Variants in PARVA observed in about 807,000 individuals in gnomAD.
The protein encoded by PARVA is alpha-parvin.
A neutral mutation model predicts 52.6 loss-of-function variants in PARVA; 25 were observed. That is an observed-to-expected ratio of 0.48 (90% CI 0.35 to 0.66). The LOEUF (loss-of-function observed/expected upper bound fraction) is 0.66. Among genes scored for constraint, PARVA ranks in the 30% least tolerant of loss-of-function variants. The pLI, the probability that PARVA is intolerant of heterozygous loss-of-function variation, is 0.01. For missense variants in PARVA, 373 were observed against 450.9 expected (o/e 0.83, Z 1.56); for synonymous variants, 185 against 179.1 (o/e 1.03, Z -0.26).
At chr11:12,432,106 G>A (rs145036346) in intron 1 of PARVA, among the ~76,000 whole-genome samples, 105 of 152,232 alleles carry the variant, frequency 6.9e-4, no homozygotes, top group African/African-American at 2.3e-3. Flanking sequence ...TACAATTAAC[G>A]TAAAATTTTT....
chr11:12,387,142 C>T (rs1031404056), intron 1 of PARVA, among the ~76,000 whole-genome samples: 2 of 152,176 alleles, frequency 1.3e-5, no homozygotes, highest in Non-Finnish European at 2.9e-5. Flanking sequence ...TGAGGAAAGC[C>T]CTACAATCAT....
At chr11:12,443,540 T>G (rs1399363469) in intron 1 of PARVA, among the ~76,000 whole-genome samples, 6 of 152,156 alleles carry the variant, frequency 3.9e-5, no homozygotes, top group Non-Finnish European at 7.3e-5. Flanking sequence ...CCTGCAGGTG[T>G]AGGATTCAAA....
rs1473378651 is a variant in PARVA, at chr11:12,527,941, C to T, written c.*16C>T. 1.9e-6 allele frequency: 3 copies of T among 1,585,746 alleles called. No individual in the cohort carries two copies. On this transcript the variant is annotated 3_prime_UTR_variant, in exon 13 of 13. Coordinates refer to ENST00000334956, the MANE Select transcript of PARVA (RefSeq NM_018222.5). ...CGTGGAGTGAGGGGCTGCCCTGGGCCCACCACTGCCCAAGAGTTCTTGCTG... is the reference window on the plus strand; with the variant it reads ...CGTGGAGTGAGGGGCTGCCCTGGGCTCACCACTGCCCAAGAGTTCTTGCTG...
intron 1 of PARVA, among the ~76,000 whole-genome samples, chr11:12,384,826 C>T (rs936246733): frequency 6.6e-6 from 1 of 151,996 alleles, no homozygotes; most frequent in East Asian, 1.9e-4. Flanking sequence ...CCGGGTGTAA[C>T]AAGAGGAAGG....
chr11:12,434,797 T>C (rs1431582862), intron 1 of PARVA, among the ~76,000 whole-genome samples: 1 of 152,192 alleles, frequency 6.6e-6, no homozygotes, highest in Non-Finnish European at 1.5e-5. Flanking sequence ...CTTTTGTTCT[T>C]ACTGCTCAAA....
At chr11:12,397,985 G>A (rs1395928048) in intron 1 of PARVA, among the ~76,000 whole-genome samples, 4 of 152,110 alleles carry the variant, frequency 2.6e-5, no homozygotes, top group Non-Finnish European at 4.4e-5. Flanking sequence ...AGCCCAGCAC[G>A]GGCCTCTCTG....
chr11:12,407,306 A>G (rs573521212), intron 1 of PARVA, among the ~76,000 whole-genome samples: 154 of 152,246 alleles, frequency 1.0e-3, no homozygotes, highest in African/African-American at 3.6e-3. Flanking sequence ...TTTCAGTTCT[A>G]CCTTGCGTGC....
At chr11:12,509,080 T>TTG (rs112329176) in intron 7 of PARVA, among the ~76,000 whole-genome samples, 12,753 of 145,224 alleles carry the variant, frequency 0.088, 595 homozygotes, top group Middle Eastern at 0.13. Context: ...GGGTGGTTTT[T>TTG]TTTTTTTTTT....
Position 12,412,585 on chromosome 11 carries a change from T to A in PARVA, c.136+34802T>A, listed in dbSNP as rs528653219. Reference sequence around the variant, plus strand: ...AAGAAAGTGTGTCAAAAGAGAGGTCTGTTTTGCTACTGATGTGCCAGGCTC... The same window carrying A: ...AAGAAAGTGTGTCAAAAGAGAGGTCAGTTTTGCTACTGATGTGCCAGGCTC... On this transcript the variant is annotated intron_variant, in intron 1 of 12. Coordinates refer to ENST00000334956, the MANE Select transcript of PARVA (RefSeq NM_018222.5). Among the ~76,000 whole-genome samples, 7 of 152,290 alleles carry A rather than the reference T, an allele frequency of 4.6e-5. No homozygotes were observed. The East Asian group carries it at 1.2e-3, about 25-fold the overall frequency.
chr11:12,482,638 A>G (rs1238045332), intron 4 of PARVA, among the ~76,000 whole-genome samples: 1 of 151,852 alleles, frequency 6.6e-6, no homozygotes, highest in Admixed American at 6.6e-5. Flanking sequence ...AAAAAAAAAA[A>G]AGGAAAGAGG....
At chr11:12,408,105 C>T (rs1939940395) in intron 1 of PARVA, among the ~76,000 whole-genome samples, 1 of 152,202 alleles carries the variant, frequency 6.6e-6, no homozygotes, top group Admixed American at 6.5e-5. Flanking sequence ...AAGGTCTGCA[C>T]CTTTGCTTGG....
chr11:12,449,193 G>T (rs560638065), intron 1 of PARVA, among the ~76,000 whole-genome samples: 3 of 151,038 alleles, frequency 2.0e-5, no homozygotes, highest in Admixed American at 2.0e-4. Flanking sequence ...TCTCCCCGTC[G>T]CCCAGGCTGG....
chr11:12,531,405 A>T lies in PARVA; in HGVS notation c.*3480A>T, dbSNP rs11022395. Among the ~76,000 whole-genome samples the T allele has an allele frequency of 0.23, 34,895 of 152,110 alleles. 4,508 individuals carry two copies. Among genetic ancestry groups the T allele is most frequent in the Non-Finnish European group, 0.31 (20,774 of 67,974 alleles). On this transcript the variant is annotated 3_prime_UTR_variant, in exon 13 of 13. Coordinates refer to ENST00000334956, the MANE Select transcript of PARVA (RefSeq NM_018222.5). Reference sequence around the variant, plus strand: ...ATACTTGAAGCTTATTTGCATCAACAGTATTCTGGAGCTGTAATTTTTCAA... The same window carrying T: ...ATACTTGAAGCTTATTTGCATCAACTGTATTCTGGAGCTGTAATTTTTCAA...
At chr11:12,422,184 G>T (rs1372877436) in intron 1 of PARVA, among the ~76,000 whole-genome samples, 2 of 152,118 alleles carry the variant, frequency 1.3e-5, no homozygotes, top group Non-Finnish European at 2.9e-5. Flanking sequence ...TAATGTCATA[G>T]AAATCCTACT....
At chr11:12,503,590 G>C (rs1169295663) in intron 5 of PARVA, among the ~76,000 whole-genome samples, 1 of 152,074 alleles carries the variant, frequency 6.6e-6, no homozygotes, top group Non-Finnish European at 1.5e-5. Flanking sequence ...GAGGGGGCCA[G>C]GCATGGTGGC....
chr11:12,493,873 C>G (rs1941263401), intron 4 of PARVA, among the ~76,000 whole-genome samples: 1 of 152,202 alleles, frequency 6.6e-6, no homozygotes, highest in African/African-American at 2.4e-5. Flanking sequence ...ATACTACTGT[C>G]CCAAACTTAG....
At chr11:12,376,762 T>C (rs1397451599), upstream of PARVA, 1 of 977,914 alleles carries the variant, frequency 1.0e-6, no homozygotes, top group Non-Finnish European at 1.2e-6. Flanking sequence ...TGCCTTTTAA[T>C]CATTTCCAGT....
chr11:12,487,828 G>C (rs1270708529), intron 4 of PARVA, among the ~76,000 whole-genome samples: 1 of 152,094 alleles, frequency 6.6e-6, no homozygotes, highest in African/African-American at 2.4e-5. Flanking sequence ...TGTGTCAAGG[G>C]ACACATACAA....
At position 12,533,819 on chromosome 11, in the gene PARVA, GAGGAGGAGGAGGAGT is replaced by G. The variant is rs1044397408; in HGVS notation, c.*5898_*5912del. Among the ~76,000 whole-genome samples, 28 of 152,154 alleles carry G rather than the reference GAGGAGGAGGAGGAGT, an allele frequency of 1.8e-4. No homozygotes were observed. Among genetic ancestry groups the G allele is most frequent in the African/African-American group, 6.0e-4 (25 of 41,492 alleles). Reference sequence around the variant, plus strand: ...TCACATTGAGTAGGCGGAGGAGGAGGAGGAGGAGGAGGAGTAGGGGTTGGTCTTGCTGTCTGAGGG... The same window carrying G: ...TCACATTGAGTAGGCGGAGGAGGAGGAGGGGTTGGTCTTGCTGTCTGAGGG... On this transcript the variant is annotated 3_prime_UTR_variant, in exon 13 of 13. Transcript: ENST00000334956.
Sources: allele counts gnomAD v4.1 joint callset (sites outside exome capture counted in the v4.1 genomes callset), GRCh38; gene constraint gnomAD v4.1.1; transcripts MANE v1.5; gene names NCBI Gene and HGNC (gene_info 2026-07-23, HGNC 2026-07-21).